The following SLC9A7 variants were observed in gnomAD, a reference collection of about 807,000 sequenced individuals.
The protein encoded by SLC9A7 is sodium/hydrogen exchanger 7.
In SLC9A7, 19 loss-of-function variants were observed where a neutral mutation model predicts 52.6. The observed-to-expected ratio is 0.36, with a 90% CI of 0.25 to 0.53. The LOEUF (loss-of-function observed/expected upper bound fraction) is 0.53, where lower values mean the gene tolerates loss of function less well. Ranked by LOEUF, SLC9A7 falls within the 20% of genes least tolerant of loss-of-function variation. The pLI is 0.91. For synonymous variants in SLC9A7, 226 were observed against 252.1 expected (o/e 0.90, Z 0.98); for missense variants, 455 against 597.9 (o/e 0.76, Z 2.49).
chrX:46,744,461 A>G (rs1204268735), intron 1 of SLC9A7, among the ~76,000 whole-genome samples: 1 of 112,449 alleles, frequency 8.9e-6, no homozygotes. Context: ...CCTTTTAATA[A>G]CCCAAGACAA....
chrX:46,748,481 T>A (rs372268999), intron 1 of SLC9A7, among the ~76,000 whole-genome samples: 2 of 106,127 alleles, frequency 1.9e-5, no homozygotes, highest in East Asian at 6.1e-4. Flanking sequence ...GTGTTCATAG[T>A]AGCATTATTC....
chrX:46,679,771 G>GA lies in SLC9A7; in HGVS notation c.526-17dup, dbSNP rs778447134. On this transcript the variant is annotated splice_polypyrimidine_tract_variant and intron_variant, in intron 2 of 16. Transcript: ENST00000616978. ...CGAATGTTACCTGAAAGTTTAAAAAGAAAAAAAAGCCAATTTTTTATTTAA... is the reference window on the plus strand; with the variant it reads ...CGAATGTTACCTGAAAGTTTAAAAAGAAAAAAAAAGCCAATTTTTTATTTAA... 4.5e-5 allele frequency: 49 copies of GA among 1,091,319 alleles called. No homozygotes were observed. The highest frequency in any genetic ancestry group is 3.7e-4 in the East Asian group (12 of 32,427). The allele number at this position is 1,091,319 out of a possible 1,213,427, so 89.9% of individuals were successfully genotyped here.
In SLC9A7 at chrX:46,599,336, T is replaced by TAAAG. The variant is rs1476780904; in HGVS notation, c.*7612_*7615dup. 9.0e-6 allele frequency: 1 copy of TAAAG among 111,557 alleles called. No individual in the cohort carries two copies. The highest frequency in any genetic ancestry group is 3.8e-4 in the South Asian group (1 of 2,640). The allele number at this position is 111,557 out of a possible 1,213,427, so 9.2% of individuals were successfully genotyped here. On this transcript the variant is annotated 3_prime_UTR_variant, in exon 17 of 17. Coordinates refer to ENST00000616978, the MANE Select transcript of SLC9A7 (RefSeq NM_001257291.2). ...AGCTGTAGTTTGCCAACCCCAGGCC[T>TAAAG]AAAGAAAGCTGGAGAGGAATAGCTT... is the stretch of plus-strand genomic sequence containing the variant.
intron 11 of SLC9A7, among the ~76,000 whole-genome samples, chrX:46,644,394 G>A (rs1036197079): frequency 8.9e-6 from 1 of 112,258 alleles, no homozygotes; most frequent in African/African-American, 3.2e-5. Context: ...CCAGCATTTT[G>A]GGAGGCCAAG....
chrX:46,689,888 G>A (rs1944357992), intron 1 of SLC9A7, among the ~76,000 whole-genome samples: 1 of 110,859 alleles, frequency 9.0e-6, no homozygotes, highest in Non-Finnish European at 1.9e-5. Context: ...TTCTGTTCCT[G>A]TGTTAGTCTG....
intron 1 of SLC9A7, among the ~76,000 whole-genome samples, chrX:46,701,103 A>T (rs945212429): frequency 1.8e-5 from 2 of 111,291 alleles, no homozygotes; most frequent in African/African-American, 6.6e-5. Flanking sequence ...ATTAATTTTC[A>T]CTATGCTCTT....
At chrX:46,608,626 T>TG (rs1427461427) in intron 16 of SLC9A7, among the ~76,000 whole-genome samples, 1 of 112,191 alleles carries the variant, frequency 8.9e-6, no homozygotes, top group Non-Finnish European at 1.9e-5. Flanking sequence ...CTCAATCTGC[T>TG]TTACAGTAGC....
At chrX:46,628,226 C>T (rs769722481) in intron 14 of SLC9A7, among the ~76,000 whole-genome samples, 2 of 112,223 alleles carry the variant, frequency 1.8e-5, no homozygotes, top group Non-Finnish European at 3.8e-5. Flanking sequence ...TCTGCATGTA[C>T]GGCCAACAGA....
intron 1 of SLC9A7, among the ~76,000 whole-genome samples, chrX:46,718,235 G>C (rs770155912): frequency 1.9e-4 from 21 of 111,631 alleles, no homozygotes; most frequent in East Asian, 5.6e-4. Flanking sequence ...GGGAAAACTG[G>C]CTAGCCATAT....
At chrX:46,717,095 C>G (rs2079107502) in intron 1 of SLC9A7, among the ~76,000 whole-genome samples, 1 of 112,317 alleles carries the variant, frequency 8.9e-6, no homozygotes, top group African/African-American at 3.2e-5. Flanking sequence ...GCATTGCAGA[C>G]AAGAACTATG....
intron 1 of SLC9A7, among the ~76,000 whole-genome samples, chrX:46,748,344 CAA>C (rs1178403270): frequency 1.1e-4 from 4 of 36,019 alleles, no homozygotes; most frequent in Admixed American, 4.7e-4. Context: ...GAAACTCTGT[CAA>C]AAAAAAAAAA....
At chrX:46,615,123 A>G (rs942022605) in intron 15 of SLC9A7, among the ~76,000 whole-genome samples, 1 of 111,592 alleles carries the variant, frequency 9.0e-6, no homozygotes, top group Non-Finnish European at 1.9e-5. Context: ...GCTCACTGCA[A>G]CCTCCGCCTC....
intron 1 of SLC9A7, among the ~76,000 whole-genome samples, chrX:46,708,148 A>C (rs187222644): frequency 8.9e-6 from 1 of 112,271 alleles, no homozygotes; most frequent in Non-Finnish European, 1.9e-5. Context: ...TGTCTCAAAA[A>C]TTTTTTTAAA....
chrX:46,608,230 TGCTTACCTCACA>T (rs1161155513), intron 16 of SLC9A7, among the ~76,000 whole-genome samples: 2 of 112,514 alleles, frequency 1.8e-5, no homozygotes, highest in Non-Finnish European at 3.8e-5. Context: ...TCCTCAATGG[TGCTTACCTCACA>T]GTAGGTGCTA....
chrX:46,620,886 T>A lies in SLC9A7; in HGVS notation c.1823+91A>T, dbSNP rs1195468542. On this transcript the variant is annotated intron_variant, in intron 15 of 16. Coordinates refer to ENST00000616978, the MANE Select transcript of SLC9A7 (RefSeq NM_001257291.2). ...TATCCCTGTCCCAAGCATGCATCTT[T>A]CCTTACTTATCAGGTGTCATTCACC... 11 of 641,430 alleles carry A rather than the reference T, an allele frequency of 1.7e-5. No homozygotes were observed. The South Asian group carries it at 2.8e-4, about 16-fold the overall frequency. The allele number at this position is 641,430 out of a possible 1,213,427, so 52.9% of individuals were successfully genotyped here.
chrX:46,744,152 C>T (rs1054906226), intron 1 of SLC9A7, among the ~76,000 whole-genome samples: 3 of 112,460 alleles, frequency 2.7e-5, no homozygotes, highest in Non-Finnish European at 5.6e-5. Flanking sequence ...ATTACATCCA[C>T]ATTCCAGGAA....
chrX:46,758,388 G>C (rs1044914905), intron 1 of SLC9A7, among the ~76,000 whole-genome samples: 1 of 112,063 alleles, frequency 8.9e-6, no homozygotes, highest in Non-Finnish European at 1.9e-5. Context: ...ACCCTATCGA[G>C]CTCAACTGGA....
At chrX:46,652,593 C>T (rs1035022698) in intron 8 of SLC9A7, among the ~76,000 whole-genome samples, 1 of 112,183 alleles carries the variant, frequency 8.9e-6, no homozygotes, top group African/African-American at 3.2e-5. Flanking sequence ...ACTTTGCCTA[C>T]ACATTTACAG....
intron 7 of SLC9A7, among the ~76,000 whole-genome samples, chrX:46,658,844 A>G (rs1370314377): frequency 9.1e-6 from 1 of 110,301 alleles, no homozygotes; most frequent in Non-Finnish European, 1.9e-5. Flanking sequence ...ATCAATAGAA[A>G]AAGAGGGAAT....
Sources: gnomAD v4.1 joint callset for allele counts (sites outside exome capture counted in the v4.1 genomes callset) on GRCh38, gnomAD v4.1.1 for gene constraint, MANE v1.5 for transcripts, NCBI Gene and HGNC (gene_info 2026-07-23, HGNC 2026-07-21) for gene names.